Variants in RASAL2 observed in about 807,000 individuals in gnomAD.
RASAL2 encodes ras GTPase-activating protein nGAP.
RASAL2 carries 58 observed loss-of-function variants against 128.9 expected under a neutral mutation model. That is an observed-to-expected ratio of 0.45 (90% CI 0.36 to 0.56). The LOEUF (loss-of-function observed/expected upper bound fraction) is 0.56, where lower values mean the gene tolerates loss of function less well. Ranked by LOEUF, RASAL2 falls within the 20% of genes least tolerant of loss-of-function variation. The pLI, the probability that RASAL2 is intolerant of heterozygous loss-of-function variation, is 0.00. For synonymous variants in RASAL2, 561 were observed against 580.8 expected (o/e 0.97, Z 0.49); for missense variants, 1,360 against 1,601.6 (o/e 0.85, Z 2.57).
intron 1 of RASAL2, among the ~76,000 whole-genome samples, chr1:178,269,980 T>G (rs531351282): frequency 6.6e-6 from 1 of 152,270 alleles, no homozygotes; most frequent in East Asian, 1.9e-4. Context: ...AGGCAAAATT[T>G]TTGAGGCCTT....
At chr1:178,371,525 G>A (rs138832357) in intron 3 of RASAL2, among the ~76,000 whole-genome samples, 22 of 152,090 alleles carry the variant, frequency 1.4e-4, no homozygotes, top group Middle Eastern at 6.8e-3. Context: ...TTCCATTATT[G>A]TCGATCAGTG....
At chr1:178,396,487 A>G (rs1673235280) in intron 4 of RASAL2, among the ~76,000 whole-genome samples, 1 of 152,160 alleles carries the variant, frequency 6.6e-6, no homozygotes, top group Non-Finnish European at 1.5e-5. Flanking sequence ...AGAAGTTCTG[A>G]AGCCAGAGAT....
At chr1:178,382,373 A>C (rs1274114291) in intron 3 of RASAL2, among the ~76,000 whole-genome samples, 6 of 152,192 alleles carry the variant, frequency 3.9e-5, no homozygotes, top group Non-Finnish European at 5.9e-5. Context: ...GTTGTTCTTT[A>C]CAGGTTTTGT....
intron 3 of RASAL2, among the ~76,000 whole-genome samples, chr1:178,308,852 T>G (rs912464311): frequency 3.9e-5 from 6 of 152,178 alleles, no homozygotes; most frequent in African/African-American, 1.4e-4. Flanking sequence ...AGGACTCTGT[T>G]TTTATTCCCA....
rs527914433 is a variant in RASAL2, at chr1:178,406,331, A to G, written c.565-14180A>G. 2.0e-5 allele frequency among the ~76,000 whole-genome samples: 3 copies of G among 152,338 alleles called. No homozygotes were observed. The South Asian group carries it at 6.2e-4, about 32-fold the overall frequency. On this transcript the variant is annotated intron_variant, in intron 4 of 17. Transcript: ENST00000367649. ...ATTATGCTAAGTGAAGAAAGACTAC[A>G]TACTGCATAAATCCATTTATGTGAC...
chr1:178,378,222 G>A (rs1458536784), intron 3 of RASAL2, among the ~76,000 whole-genome samples: 1 of 150,644 alleles, frequency 6.6e-6, no homozygotes, highest in African/African-American at 2.4e-5. Context: ...AAAGAAAGCT[G>A]GTGTAGCCAG....
intron 1 of RASAL2, among the ~76,000 whole-genome samples, chr1:178,112,929 A>G (rs1659386561): frequency 6.6e-6 from 1 of 152,162 alleles, no homozygotes; most frequent in South Asian, 2.1e-4. Context: ...AAAAAAAGAA[A>G]AAAAAGAAAT....
intron 5 of RASAL2, among the ~76,000 whole-genome samples, chr1:178,425,677 A>G (rs1001424805): frequency 2.0e-5 from 3 of 152,266 alleles, no homozygotes; most frequent in Non-Finnish European, 4.4e-5. Context: ...TAAGATAGCT[A>G]CTAGAGCTCC....
At chr1:178,240,150 T>G (rs1664435382) in intron 1 of RASAL2, among the ~76,000 whole-genome samples, 1 of 152,110 alleles carries the variant, frequency 6.6e-6, no homozygotes, top group Non-Finnish European at 1.5e-5. Flanking sequence ...ACATATGTTG[T>G]CCACAGTGAA....
chr1:178,157,849 G>C (rs1486312272), intron 1 of RASAL2, among the ~76,000 whole-genome samples: 1 of 151,970 alleles, frequency 6.6e-6, no homozygotes, highest in Non-Finnish European at 1.5e-5. Flanking sequence ...TGTATATAAG[G>C]GGCAAAAGTA....
intron 1 of RASAL2, among the ~76,000 whole-genome samples, chr1:178,162,377 AT>A (rs1176413503): frequency 2.8e-4 from 34 of 120,236 alleles, no homozygotes; most frequent in Middle Eastern, 3.8e-3. Flanking sequence ...TATAATATAT[AT>A]TTATATATTA....
chr1:178,368,538 A>G (rs1021178139), intron 3 of RASAL2, among the ~76,000 whole-genome samples: 1 of 152,206 alleles, frequency 6.6e-6, no homozygotes, highest in Non-Finnish European at 1.5e-5. Flanking sequence ...AAAGTTAATT[A>G]GTAAGTACTT....
At position 178,457,834 on chromosome 1, in the gene RASAL2, GTC is replaced by G; in HGVS notation, c.2545_2546del (p.Ser849ProfsTer20). ...RESSLPNGRS[V>X]SLMDLQDTHA... ...AAGTAGCCTTCCTAATGGTCGGAGC[GTC>G]TCCCTCATGGACCTCCAGGACACTC... On this transcript the variant is annotated frameshift_variant, in exon 14 of 18. Coordinates refer to ENST00000367649, the MANE Select transcript of RASAL2 (RefSeq NM_170692.4). LOFTEE classifies it high-confidence loss of function. 6.2e-7 allele frequency: 1 copy of G among 1,614,176 alleles called. No individual in the cohort carries two copies. The highest frequency in any genetic ancestry group is 8.5e-7 in the Non-Finnish European group (1 of 1,180,026).
At chr1:178,348,006 A>T (rs1480167313) in intron 3 of RASAL2, among the ~76,000 whole-genome samples, 1 of 152,258 alleles carries the variant, frequency 6.6e-6, no homozygotes, top group African/African-American at 2.4e-5. Flanking sequence ...GACAGAATGC[A>T]TGAACCTCAC....
chr1:178,241,401 A>G (rs1664492006), intron 1 of RASAL2, among the ~76,000 whole-genome samples: 1 of 152,146 alleles, frequency 6.6e-6, no homozygotes, highest in Admixed American at 6.5e-5. Flanking sequence ...TATATTGTGG[A>G]GAAAGTAATA....
At position 178,172,483 on chromosome 1, in the gene RASAL2, G is replaced by A. The variant is rs184077867; in HGVS notation, c.202+77789G>A. On this transcript the variant is annotated intron_variant, in intron 1 of 17. Transcript: ENST00000367649. The stretch of plus-strand genomic sequence containing the variant: ...CTAATATTGTTATCCCTAGATCAGT[G>A]GTTCTCAATCCTATCAGACCTATTG... Among the ~76,000 whole-genome samples the A allele has an allele frequency of 5.3e-5, 8 of 152,086 alleles. No individual in the cohort carries two copies. The East Asian group carries it at 1.5e-3, about 29-fold the overall frequency.
At chr1:178,346,266 G>A (rs1308661617) in intron 3 of RASAL2, among the ~76,000 whole-genome samples, 4 of 152,142 alleles carry the variant, frequency 2.6e-5, no homozygotes, top group African/African-American at 9.6e-5. Context: ...GCCAGGCATC[G>A]TGGCATGCAC....
intron 5 of RASAL2, among the ~76,000 whole-genome samples, chr1:178,423,793 C>T (rs1468283297): frequency 6.6e-6 from 1 of 152,094 alleles, no homozygotes; most frequent in Non-Finnish European, 1.5e-5. Flanking sequence ...TTTTCTTCTT[C>T]TGTGACTTAC....
chr1:178,147,066 A>G (rs1265495081), intron 1 of RASAL2, among the ~76,000 whole-genome samples: 1 of 152,210 alleles, frequency 6.6e-6, no homozygotes, highest in African/African-American at 2.4e-5. Flanking sequence ...ACTGTAATTA[A>G]GTCTTTCTTA....
Sources: allele counts gnomAD v4.1 joint callset (sites outside exome capture counted in the v4.1 genomes callset), GRCh38; gene constraint gnomAD v4.1.1; transcripts MANE v1.5; gene names NCBI Gene and HGNC (gene_info 2026-07-23, HGNC 2026-07-21).